Variants in MYBL1 observed in about 807,000 individuals in gnomAD.
MYBL1 encodes MYB proto-oncogene like 1.
In MYBL1, 17 loss-of-function variants were observed where a neutral mutation model predicts 96.3. The observed-to-expected ratio is 0.18, with a 90% confidence interval of 0.12 to 0.26. The LOEUF (loss-of-function observed/expected upper bound fraction) is 0.26, where lower values mean the gene tolerates loss of function less well. MYBL1 is among the 10% of genes least tolerant of loss of function. MYBL1 has a pLI of 1.00. For synonymous variants in MYBL1, 282 were observed against 292.7 expected (o/e 0.96, Z 0.37); for missense variants, 701 against 882.9 (o/e 0.79, Z 2.61).
chr8:66,587,160 A>T (rs1809452860), intron 8 of MYBL1, among the ~76,000 whole-genome samples: 1 of 152,184 alleles, frequency 6.6e-6, no homozygotes, highest in Admixed American at 6.5e-5. Context: ...GGTAACTATA[A>T]TTAACAGCAA....
At chr8:66,590,047 C>T (rs536129957) in intron 8 of MYBL1, among the ~76,000 whole-genome samples, 13 of 151,868 alleles carry the variant, frequency 8.6e-5, no homozygotes, top group Non-Finnish European at 1.0e-4. Context: ...GCACTCCAGC[C>T]TAGGCAACAG....
intron 2 of MYBL1, 52 bp downstream of exon 2, chr8:66,602,366 T>C: frequency 2.3e-6 from 3 of 1,313,608 alleles, no homozygotes; most frequent in Admixed American, 4.1e-5. Flanking sequence ...ACTATAGCAG[T>C]ATTAACCAAT....
At chr8:66,609,475 T>G (rs1338300782) in intron 1 of MYBL1, among the ~76,000 whole-genome samples, 1 of 152,032 alleles carries the variant, frequency 6.6e-6, no homozygotes, top group African/African-American at 2.4e-5. Flanking sequence ...TCCAATCATA[T>G]TCAAGGTATG....
At chr8:66,611,545 C>G (rs1309499449) in intron 1 of MYBL1, among the ~76,000 whole-genome samples, 3 of 152,082 alleles carry the variant, frequency 2.0e-5, no homozygotes, top group Admixed American at 1.3e-4. Context: ...TGGGTAGAAG[C>G]CAGCGATGCT....
Position 66,566,679 on chromosome 8 carries a change from C to A in MYBL1, c.1950+5G>T. 1 of 1,567,694 alleles carries A rather than the reference C, an allele frequency of 6.4e-7. No individual in the cohort carries two copies. On this transcript the variant is annotated splice_donor_5th_base_variant and intron_variant, in intron 14 of 15. Coordinates refer to ENST00000522677, the MANE Select transcript of MYBL1 (RefSeq NM_001080416.4). ...AAATAACAACAATAATAATCCTTTACAAACCTGCATGTCTGAAATGTCTTC... is the reference window on the plus strand; with the variant it reads ...AAATAACAACAATAATAATCCTTTAAAAACCTGCATGTCTGAAATGTCTTC...
At chr8:66,600,205 T>C (rs1462644135) in intron 3 of MYBL1, among the ~76,000 whole-genome samples, 1 of 152,220 alleles carries the variant, frequency 6.6e-6, no homozygotes, top group Non-Finnish European at 1.5e-5. Flanking sequence ...ATTACAAGGA[T>C]AATGACACCT....
chr8:66,613,165 G>T lies in MYBL1; in HGVS notation c.-327C>A. On this transcript the variant is annotated 5_prime_UTR_variant, in exon 1 of 16. Transcript: ENST00000522677. ...GCCTCCCTGCCCTGGCCCCAGCCCG[G>T]CTCCGCCACAGGCGCCCGACCCCTG... The T allele has an allele frequency of 2.5e-6, 1 of 400,952 alleles. No homozygotes were observed. Among genetic ancestry groups the T allele is most frequent in the Non-Finnish European group, 4.4e-6 (1 of 226,744 alleles). 24.8% of individuals were successfully genotyped at this position (400,952 alleles called of 1,614,324 possible).
intron 12 of MYBL1, among the ~76,000 whole-genome samples, chr8:66,567,741 C>A (rs1310812495): frequency 6.6e-6 from 1 of 151,976 alleles, no homozygotes; most frequent in East Asian, 1.9e-4. Context: ...GGTAATAAAA[C>A]CTCTACTAAA....
chr8:66,568,155 T>C (rs947189976), intron 12 of MYBL1, among the ~76,000 whole-genome samples: 2 of 151,634 alleles, frequency 1.3e-5, no homozygotes, highest in African/African-American at 4.8e-5. Flanking sequence ...ATAAATGAGA[T>C]TTCACAGCAC....
chr8:66,568,749 G>A (rs942125252), intron 12 of MYBL1, among the ~76,000 whole-genome samples: 28 of 152,144 alleles, frequency 1.8e-4, no homozygotes, highest in African/African-American at 6.5e-4. Context: ...TCACCCAGCC[G>A]GGCGCAGTGG....
chr8:66,587,311 C>G (rs1445548763), intron 8 of MYBL1, among the ~76,000 whole-genome samples: 1 of 151,910 alleles, frequency 6.6e-6, no homozygotes, highest in Non-Finnish European at 1.5e-5. Context: ...CAAAATAGTA[C>G]ACTGTACACC....
At position 66,598,929 on chromosome 8, in the gene MYBL1, T is replaced by C. The variant is rs1019590055; in HGVS notation, c.291+121A>G. The C allele has an allele frequency of 5.5e-5, 28 of 510,928 alleles. No homozygotes were observed. In the Admixed American group the frequency reaches 1.2e-3, roughly 23 times the overall value. The allele number at this position is 510,928 out of a possible 1,614,324, so 31.6% of individuals were successfully genotyped here. On this transcript the variant is annotated intron_variant, in intron 4 of 15. Transcript: ENST00000522677. ...ACTTAACATTCAATTCTTATGCAAG[T>C]AGCCTCCGGAGAACAAAATCAAAGT...
intron 12 of MYBL1, among the ~76,000 whole-genome samples, chr8:66,567,611 T>C (rs1180868233): frequency 2.0e-5 from 3 of 151,940 alleles, no homozygotes; most frequent in Non-Finnish European, 4.4e-5. Flanking sequence ...AGTGATGAAA[T>C]AGTCTCAAAA....
intron 8 of MYBL1, among the ~76,000 whole-genome samples, chr8:66,591,112 G>A (rs1178075898): frequency 1.3e-5 from 2 of 152,172 alleles, no homozygotes; most frequent in Non-Finnish European, 2.9e-5. Flanking sequence ...ACTTTGGGAG[G>A]CTGAGGCAGG....
rs200389680 is a variant in MYBL1, at chr8:66,580,298, A to T, written c.936T>A (p.Asn312Lys). ...LMDDNMSNTL[N>K]SLDEHTSEFY... is the part of the protein sequence containing the mutation. The stretch of plus-strand genomic sequence containing the variant: ...ACTCACTAGTGTGCTCGTCAAGGCT[A>T]TTTAGAGTATTAGACATGTTATCAT... Residue 312 changes from asparagine to lysine, a missense_variant, in exon 9 of 16, where the codon AAT (asparagine) becomes AAA (lysine). By Grantham distance (94) the Asn-to-Lys change is moderately conservative (BLOSUM62 0). Around this residue, in one of 5 missense-constraint regions of MYBL1, gnomAD observed 396 missense variants for 407.4 expected, o/e 0.97. Coordinates refer to ENST00000522677, the MANE Select transcript of MYBL1 (RefSeq NM_001080416.4). 1,056 of 1,613,742 alleles carry T rather than the reference A, an allele frequency of 6.5e-4. 2 individuals carry two copies. Among genetic ancestry groups the T allele is most frequent in the Non-Finnish European group, 8.5e-4 (1,003 of 1,179,822 alleles).
intron 8 of MYBL1, among the ~76,000 whole-genome samples, chr8:66,590,005 C>T (rs1809574276): frequency 6.6e-6 from 1 of 152,018 alleles, no homozygotes; most frequent in Non-Finnish European, 1.5e-5. Context: ...ACCTAAGAGG[C>T]TGAGGCTGCA....
Position 66,593,966 on chromosome 8 carries a change from T to A in MYBL1, c.688-772A>T, listed in dbSNP as rs190935652. ...GCCTGGGCAACATGGCAAGACCCTG[T>A]TTTTACAAAAAATAAAAAAATTAGC... On this transcript the variant is annotated intron_variant, in intron 6 of 15. Transcript: ENST00000522677. Among the ~76,000 whole-genome samples the A allele has an allele frequency of 6.4e-4, 98 of 151,988 alleles. No individual in the cohort carries two copies. In the Middle Eastern group the frequency reaches 0.01, roughly 16 times the overall value.
At chr8:66,570,309 T>C (rs1808675487) in intron 12 of MYBL1, among the ~76,000 whole-genome samples, 1 of 151,176 alleles carries the variant, frequency 6.6e-6, no homozygotes, top group South Asian at 2.1e-4. Context: ...CTTTTGTTTT[T>C]GTCTTTTTTT....
At chr8:66,596,387 T>C (rs999845801) in intron 5 of MYBL1, among the ~76,000 whole-genome samples, 1 of 152,112 alleles carries the variant, frequency 6.6e-6, no homozygotes, top group Non-Finnish European at 1.5e-5. Flanking sequence ...ATGAAAATCT[T>C]CAACCTATGG....
Sources: gnomAD v4.1 joint callset for allele counts (sites outside exome capture counted in the v4.1 genomes callset) on GRCh38, gnomAD v4.1.1 for gene constraint, gnomAD v4.1.1 regional missense constraint, MANE v1.5 for transcripts, NCBI Gene and HGNC (gene_info 2026-07-23, HGNC 2026-07-21) for gene names.